The following GRIK4 variants were observed in gnomAD, a reference collection of about 807,000 sequenced individuals.
The protein encoded by GRIK4 is glutamate ionotropic receptor kainate type subunit 4.
In GRIK4, 40 loss-of-function variants were observed where a neutral mutation model predicts 104.9. The observed-to-expected ratio is 0.38, with a 90% CI of 0.30 to 0.50. GRIK4 has a LOEUF of 0.50. Among genes scored for constraint, GRIK4 ranks in the 20% least tolerant of loss-of-function variants. The pLI, the probability that GRIK4 is intolerant of heterozygous loss-of-function variation, is 0.93. For missense variants in GRIK4, 1,047 were observed against 1,308.1 expected (o/e 0.80, Z 3.08); for synonymous variants, 485 against 524.9 (o/e 0.92, Z 1.04).
In GRIK4 at chr11:120,895,399, C is replaced by T. The variant is rs187067775; in HGVS notation, c.1165-3133C>T. ...TCTGCCTAAATATAGCCCCTCCCAG[C>T]CTAGGAGTCCATTGGGAGCCAATTC... On this transcript the variant is annotated intron_variant, in intron 11 of 20. Coordinates refer to ENST00000527524, the MANE Select transcript of GRIK4 (RefSeq NM_014619.5). Among the ~76,000 whole-genome samples the T allele has an allele frequency of 1.0e-3, 159 of 152,254 alleles. 1 individual carries two copies. Among genetic ancestry groups the T allele is most frequent in the Non-Finnish European group, 5.1e-4 (35 of 68,020 alleles).
At chr11:120,764,790 C>G (rs918746596) in intron 3 of GRIK4, among the ~76,000 whole-genome samples, 1 of 152,158 alleles carries the variant, frequency 6.6e-6, no homozygotes, top group Non-Finnish European at 1.5e-5. Flanking sequence ...AGCCCCCACT[C>G]TCTTCTGGCT....
intron 3 of GRIK4, among the ~76,000 whole-genome samples, chr11:120,751,946 G>T (rs1004818879): frequency 6.6e-6 from 1 of 152,136 alleles, no homozygotes; most frequent in Non-Finnish European, 1.5e-5. Context: ...CTTGCGGCTG[G>T]GGGGTGGGGA....
chr11:120,589,430 T>C (rs1948708876), intron 1 of GRIK4, among the ~76,000 whole-genome samples: 1 of 152,152 alleles, frequency 6.6e-6, no homozygotes, highest in Non-Finnish European at 1.5e-5. Flanking sequence ...ACAGATTGGA[T>C]ACACCTGCTT....
At chr11:120,845,664 C>T (rs1185369521) in intron 8 of GRIK4, among the ~76,000 whole-genome samples, 4 of 151,984 alleles carry the variant, frequency 2.6e-5, no homozygotes, top group African/African-American at 9.7e-5. Flanking sequence ...CACACACACA[C>T]ACACACACAC....
At chr11:120,563,102 T>C (rs1182499574) in intron 1 of GRIK4, among the ~76,000 whole-genome samples, 1 of 152,188 alleles carries the variant, frequency 6.6e-6, no homozygotes, top group Non-Finnish European at 1.5e-5. Flanking sequence ...TCTCCCTGGG[T>C]AAAACCCGGG....
intron 4 of GRIK4, among the ~76,000 whole-genome samples, chr11:120,804,445 C>T (rs769103354): frequency 3.3e-5 from 5 of 152,148 alleles, no homozygotes; most frequent in Non-Finnish European, 7.3e-5. Flanking sequence ...GACTCCCCAG[C>T]CTTTCTCCCT....
intron 3 of GRIK4, among the ~76,000 whole-genome samples, chr11:120,731,382 A>G (rs1184062472): frequency 6.6e-6 from 1 of 151,760 alleles, no homozygotes; most frequent in Admixed American, 6.6e-5. Context: ...CTTGATTGTC[A>G]TATGTTGAAC....
intron 3 of GRIK4, among the ~76,000 whole-genome samples, chr11:120,750,237 G>A (rs1460643257): frequency 6.6e-6 from 1 of 151,422 alleles, no homozygotes; most frequent in Non-Finnish European, 1.5e-5. Flanking sequence ...TCCCCGCACA[G>A]TAGTCATTAA....
chr11:120,841,160 T>A (rs57053294), intron 8 of GRIK4, among the ~76,000 whole-genome samples: 2 of 152,076 alleles, frequency 1.3e-5, no homozygotes, highest in African/African-American at 4.8e-5. Context: ...CACTTTTCAG[T>A]GGCATGAAGT....
At chr11:120,636,619 A>G (rs553490302) in intron 1 of GRIK4, among the ~76,000 whole-genome samples, 25 of 152,238 alleles carry the variant, frequency 1.6e-4, no homozygotes, top group African/African-American at 5.3e-4. Context: ...AGGCCGGTGG[A>G]TCATGAGATC....
chr11:120,663,076 T>G (rs1208266477), intron 3 of GRIK4, among the ~76,000 whole-genome samples: 1 of 152,202 alleles, frequency 6.6e-6, no homozygotes, highest in East Asian at 1.9e-4. Context: ...CTCTCACACA[T>G]ATGTCAACCC....
intron 3 of GRIK4, among the ~76,000 whole-genome samples, chr11:120,734,378 G>A (rs895358284): frequency 3.3e-5 from 5 of 152,090 alleles, no homozygotes; most frequent in African/African-American, 7.2e-5. Flanking sequence ...CCCCTAACCT[G>A]TAAGGTTTCC....
intron 3 of GRIK4, among the ~76,000 whole-genome samples, chr11:120,781,617 G>A (rs1952159305): frequency 6.6e-6 from 1 of 152,192 alleles, no homozygotes. Context: ...CTCCCAAAGT[G>A]CTGAGATTGC....
At chr11:120,862,845 T>C (rs1954299065) in intron 9 of GRIK4, among the ~76,000 whole-genome samples, 1 of 152,230 alleles carries the variant, frequency 6.6e-6, no homozygotes, top group South Asian at 2.1e-4. Flanking sequence ...TATGTGGCTT[T>C]TTATGCCCTG....
At chr11:120,750,440 C>A (rs902695963) in intron 3 of GRIK4, among the ~76,000 whole-genome samples, 4 of 140,808 alleles carry the variant, frequency 2.8e-5, no homozygotes, top group African/African-American at 5.3e-5. Flanking sequence ...GATCTGAGGT[C>A]ACTGCAGCCT....
chr11:120,706,977 G>T (rs144948331), intron 3 of GRIK4, among the ~76,000 whole-genome samples: 1 of 152,168 alleles, frequency 6.6e-6, no homozygotes, highest in East Asian at 1.9e-4. Flanking sequence ...TGAAAAGAGC[G>T]AATAGCTACC....
chr11:120,652,626 G>A (rs537827700), intron 1 of GRIK4, among the ~76,000 whole-genome samples: 2 of 151,990 alleles, frequency 1.3e-5, no homozygotes, highest in African/African-American at 2.4e-5. Flanking sequence ...TGAGGAGCCT[G>A]GAGCATCAGG....
intron 3 of GRIK4, among the ~76,000 whole-genome samples, chr11:120,727,349 G>C (rs1231997324): frequency 6.6e-6 from 1 of 152,160 alleles, no homozygotes; most frequent in African/African-American, 2.4e-5. Flanking sequence ...ATAAAAGTTG[G>C]GGAGGGGAAC....
At chr11:120,628,154 C>T (rs889463322) in intron 1 of GRIK4, among the ~76,000 whole-genome samples, 2 of 152,142 alleles carry the variant, frequency 1.3e-5, no homozygotes, top group African/African-American at 4.8e-5. Flanking sequence ...ATCCAGATGG[C>T]TCAAATGGGG....
Sources: allele counts gnomAD v4.1 joint callset (sites outside exome capture counted in the v4.1 genomes callset), GRCh38; gene constraint gnomAD v4.1.1; transcripts MANE v1.5; gene names NCBI Gene and HGNC (gene_info 2026-07-23, HGNC 2026-07-21).